RNF216: variants seen among roughly 807,000 people sequenced by gnomAD.
RNF216 encodes the protein E3 ubiquitin-protein ligase RNF216.
In RNF216, 72 loss-of-function variants were observed where a neutral mutation model predicts 110.8. That is an observed-to-expected ratio of 0.65 (90% confidence interval 0.54 to 0.79). The LOEUF is 0.79. Ranked by LOEUF, RNF216 falls within the 30% of genes least tolerant of loss-of-function variation. The pLI is 0.00. For missense variants in RNF216, 1,342 were observed against 1,141.2 expected, an observed-to-expected ratio of 1.18 and a Z score of -2.54; for synonymous variants, 495 against 407.5, an observed-to-expected ratio of 1.21 and a Z score of -2.59.
At position 5,711,842 on chromosome 7, in the gene RNF216, A is replaced by G. The variant is rs369631890; in HGVS notation, c.1983-3T>C. 1 of 1,613,540 alleles carries G rather than the reference A, an allele frequency of 6.2e-7. No individual in the cohort carries two copies. The highest frequency in any genetic ancestry group is 8.5e-7 in the Non-Finnish European group (1 of 1,179,656). ...CCGGAAAGCTACAGGACGGGCACCT[A>G]GAGTCAGAACAGCAGAACTGACATT... On this transcript the variant is annotated splice_polypyrimidine_tract_variant and splice_region_variant and intron_variant, in intron 12 of 16. Coordinates refer to ENST00000389902, the MANE Select transcript of RNF216 (RefSeq NM_207111.4).
rs549437153 is a variant in RNF216 at position 5,680,197 on chromosome 7, T to C, written c.2062-27687A>G. ...CGCCCTGGAAACACACGCTCCCCTC[T>C]ACTTTAACACTCTGTGTCCTCTTCC... On this transcript the variant is annotated intron_variant, in intron 13 of 16. Coordinates refer to ENST00000389902, the MANE Select transcript of RNF216 (RefSeq NM_207111.4). The surrounding 1 kb of genome is among the most constrained non-coding windows in gnomAD (Gnocchi z 4.3). Among the ~76,000 whole-genome samples, 130 of 152,284 alleles carry C rather than the reference T, an allele frequency of 8.5e-4. No homozygotes were observed. Among genetic ancestry groups the C allele is most frequent in the African/African-American group, 3.0e-3 (126 of 41,576 alleles).
intron 1 of RNF216, among the ~76,000 whole-genome samples, chr7:5,764,864 C>T (rs1401819971): frequency 6.6e-6 from 1 of 151,830 alleles, no homozygotes; most frequent in African/African-American, 2.4e-5. Context: ...GTCAGAAATT[C>T]GAGACCAGCC....
At chr7:5,664,571 G>A (rs1301437323) in intron 13 of RNF216, among the ~76,000 whole-genome samples, 1 of 152,170 alleles carries the variant, frequency 6.6e-6, no homozygotes, top group Non-Finnish European at 1.5e-5. Flanking sequence ...CTGAAAATGT[G>A]TGCCCAAGAG....
rs778491862 is a variant in RNF216, at chr7:5,622,867, C to T, written c.2765G>A (p.Arg922His). The T allele has an allele frequency of 1.2e-5, 19 of 1,598,628 alleles. No homozygotes were observed. The highest frequency in any genetic ancestry group is 1.1e-4 in the East Asian group (5 of 44,588). The change falls in exon 17 of 17, where the codon CGC (arginine) becomes CAC (histidine). Residue 922 changes from arginine to histidine, a missense_variant. Physicochemically the swap from Arg to His is conservative, Grantham distance 29. Transcript: ENST00000389902. ...PMHFGPQPRH[R>H]F is the part of the protein sequence containing the mutation. ...AATGGGGATTCGGGGCCATCAGAAG[C>T]GATGCCGCGGCTGGGGGCCAAAGTG...
chr7:5,672,564 G>A (rs2128596787), intron 13 of RNF216, among the ~76,000 whole-genome samples: 1 of 152,254 alleles, frequency 6.6e-6, no homozygotes, highest in Middle Eastern at 3.4e-3. Context: ...ATAAAAAGAG[G>A]TTTCCAGAAT....
At chr7:5,742,720 C>G (rs1175095817) in intron 3 of RNF216, among the ~76,000 whole-genome samples, 1 of 151,148 alleles carries the variant, frequency 6.6e-6, no homozygotes, top group East Asian at 2.0e-4. Context: ...CACAGCCTCC[C>G]GAGTAGCTGG....
intron 15 of RNF216, among the ~76,000 whole-genome samples, chr7:5,634,548 T>TGGGAA (rs1418409734): frequency 6.6e-6 from 1 of 152,114 alleles, no homozygotes; most frequent in Non-Finnish European, 1.5e-5. Context: ...CAGCTGTGGC[T>TGGGAA]GGGAAGGGCA....
chr7:5,647,946 G>T (rs1350470093), intron 14 of RNF216, among the ~76,000 whole-genome samples: 1 of 152,066 alleles, frequency 6.6e-6, no homozygotes, highest in East Asian at 1.9e-4. Flanking sequence ...CCAAAATCAT[G>T]TAACTTAGGC....
rs570108310 is a variant in RNF216, at chr7:5,751,595, G to A, written c.201+1251C>T. 2.0e-5 allele frequency among the ~76,000 whole-genome samples: 3 copies of A among 152,110 alleles called. No homozygotes were observed. The South Asian group carries it at 6.2e-4, about 32-fold the overall frequency. On this transcript the variant is annotated intron_variant, in intron 3 of 16. Transcript: ENST00000389902. The stretch of plus-strand genomic sequence containing the variant: ...CTTTAATTCTTACACAGGAAAGGTG[G>A]CCTGAAGCAGCCTGATGTTAACTCA...
Position 5,684,094 on chromosome 7 carries a change from C to CTTT in RNF216, c.2061+27664_2061+27666dup, listed in dbSNP as rs10608511. 5.9e-3 allele frequency among the ~76,000 whole-genome samples: 367 copies of CTTT among 61,852 alleles called. 24 individuals are homozygous for CTTT. The highest frequency in any genetic ancestry group is 0.031 in the South Asian group (44 of 1,406). The allele number at this position is 61,852 out of a possible 152,430, so 40.6% of individuals were successfully genotyped here. On this transcript the variant is annotated intron_variant, in intron 13 of 16. Transcript: ENST00000389902. Reference sequence around the variant, plus strand: ...CCAGTGTTTCCACAAGCTGGGCCTTCTTTTTTTTTTTTTTTTTTTTTTTTT... The same window carrying CTTT: ...CCAGTGTTTCCACAAGCTGGGCCTTCTTTTTTTTTTTTTTTTTTTTTTTTTTTT...
In RNF216 at chr7:5,660,871, G is replaced by A. The variant is rs1390524752; in HGVS notation, c.2062-8361C>T. ...TGATGTGAGCCACCATGCCTGGCCT[G>A]GGGAACATCTTTAACAGAGGTCTAA... On this transcript the variant is annotated intron_variant, in intron 13 of 16. Transcript: ENST00000389902. 2.7e-5 allele frequency among the ~76,000 whole-genome samples: 4 copies of A among 150,186 alleles called. No homozygotes were observed. The South Asian group carries it at 6.3e-4, about 24-fold the overall frequency.
chr7:5,718,157 G>C (rs1042028087), intron 9 of RNF216, among the ~76,000 whole-genome samples: 2 of 152,214 alleles, frequency 1.3e-5, no homozygotes, highest in Admixed American at 6.5e-5. Context: ...AAGGTGGGGG[G>C]ATTGCTTAAG....
intron 3 of RNF216, among the ~76,000 whole-genome samples, chr7:5,747,074 A>G (rs1402120882): frequency 6.6e-6 from 1 of 152,228 alleles, no homozygotes; most frequent in East Asian, 1.9e-4. Context: ...TGAATACTGC[A>G]TCTACTCCTG....
At chr7:5,630,493 T>G (rs377576167) in intron 15 of RNF216, among the ~76,000 whole-genome samples, 4 of 152,248 alleles carry the variant, frequency 2.6e-5, no homozygotes, top group African/African-American at 9.6e-5. Flanking sequence ...TCTTCTCACC[T>G]TAGGCTCCCC....
chr7:5,714,205 C>T (rs1792897862), intron 11 of RNF216, among the ~76,000 whole-genome samples: 1 of 152,232 alleles, frequency 6.6e-6, no homozygotes, highest in African/African-American at 2.4e-5. Context: ...TTGTGATCCA[C>T]CCAACTTAGC....
At chr7:5,707,763 G>C (rs897958647) in intron 13 of RNF216, among the ~76,000 whole-genome samples, 1 of 124,406 alleles carries the variant, frequency 8.0e-6, no homozygotes, top group Non-Finnish European at 1.6e-5. Context: ...TCACTCTGTC[G>C]CCCAGGCTGG....
intron 4 of RNF216, 93 bp from the exon 5 acceptor site, chr7:5,739,445 A>C (rs1794624510): frequency 1.6e-6 from 2 of 1,253,430 alleles, no homozygotes; most frequent in East Asian, 4.9e-5. Context: ...TAATAAAATG[A>C]CTAAAGACTA....
At chr7:5,630,057 C>A (rs1297927472) in intron 15 of RNF216, among the ~76,000 whole-genome samples, 1 of 151,954 alleles carries the variant, frequency 6.6e-6, no homozygotes, top group African/African-American at 2.4e-5. Context: ...CTAGGACACA[C>A]CTAGGCTGCT....
chr7:5,780,423 T>C (rs1797016278), intron 1 of RNF216: 1 of 152,092 alleles, frequency 6.6e-6, no homozygotes, highest in African/African-American at 2.4e-5. Flanking sequence ...AGAACATATC[T>C]GAAACGTCTT....
Sources: allele counts gnomAD v4.1 joint callset (sites outside exome capture counted in the v4.1 genomes callset), GRCh38; gene constraint gnomAD v4.1.1; non-coding constraint Gnocchi (gnomAD v3.1); transcripts MANE v1.5; gene names NCBI Gene and HGNC (gene_info 2026-07-23, HGNC 2026-07-21).